TTLL6: variants seen among roughly 807,000 people sequenced by gnomAD.
The protein encoded by TTLL6 is tubulin polyglutamylase TTLL6.
TTLL6 carries 75 observed loss-of-function variants against 96.4 expected under a neutral mutation model. That is an observed-to-expected ratio of 0.78 (90% CI 0.65 to 0.94). TTLL6 has a LOEUF of 0.94. Among genes scored for constraint, TTLL6 ranks in the 40% least tolerant of loss-of-function variants. TTLL6 has a pLI of 0.00. For missense variants in TTLL6, 1,030 were observed against 1,093.0 expected (o/e 0.94, Z 0.81); for synonymous variants, 411 against 419.4 (o/e 0.98, Z 0.24).
intron 13 of TTLL6, among the ~76,000 whole-genome samples, chr17:48,774,100 A>AC (rs1411675911): frequency 1.7e-5 from 2 of 114,382 alleles, no homozygotes; most frequent in South Asian, 2.4e-4. Flanking sequence ...ACAAAACAAA[A>AC]AAAAAAAAAA....
intron 9 of TTLL6, 72 bp downstream of exon 9, chr17:48,791,306 G>A (rs1438797766): frequency 7.4e-7 from 1 of 1,354,182 alleles, no homozygotes; most frequent in East Asian, 2.4e-5. Flanking sequence ...TGAGCCAGGA[G>A]GGCGGAATCC....
chr17:48,777,737 A>G lies in TTLL6; in HGVS notation c.2040+7186T>C, dbSNP rs1435545982. ...CAGAGTGAGACTCCGTCTCAAAAAA[A>G]AAAAAATATACAAAAATACAAAAAT... On this transcript the variant is annotated intron_variant, in intron 13 of 15. Coordinates refer to ENST00000393382, the MANE Select transcript of TTLL6 (RefSeq NM_001130918.3). Among the ~76,000 whole-genome samples, 4 of 150,474 alleles carry G rather than the reference A, an allele frequency of 2.7e-5. No individual in the cohort carries two copies. In the East Asian group the frequency reaches 7.9e-4, roughly 30 times the overall value.
intron 1 of TTLL6, among the ~76,000 whole-genome samples, chr17:48,809,663 C>T (rs368436240): frequency 1.1e-4 from 17 of 151,716 alleles, no homozygotes; most frequent in East Asian, 9.7e-4. Context: ...GTTCAAAACC[C>T]GCCTGGGCAA....
intron 13 of TTLL6, among the ~76,000 whole-genome samples, chr17:48,776,624 A>C (rs2038877093): frequency 6.6e-6 from 1 of 152,252 alleles, no homozygotes; most frequent in Admixed American, 6.5e-5. Context: ...CAAAATGTCT[A>C]CATTGAAAAC....
At chr17:48,797,325 G>A in intron 6 of TTLL6, 121 bp from the exon 7 acceptor site, 1 of 1,064,646 alleles carries the variant, frequency 9.4e-7, no homozygotes, top group Non-Finnish European at 1.3e-6. Flanking sequence ...GTGGAGGGCA[G>A]GCTTGTCCAG....
chr17:48,769,489 C>A (rs562325796), intron 14 of TTLL6, among the ~76,000 whole-genome samples: 1 of 152,308 alleles, frequency 6.6e-6, no homozygotes, highest in Non-Finnish European at 1.5e-5. Flanking sequence ...GAATGAGAAC[C>A]AGGAAGTGGT....
At chr17:48,807,491 G>T (rs1453307257) in intron 1 of TTLL6, among the ~76,000 whole-genome samples, 1 of 152,040 alleles carries the variant, frequency 6.6e-6, no homozygotes, top group Non-Finnish European at 1.5e-5. Flanking sequence ...TTTTCACTGT[G>T]GCAAAGTTTA....
chr17:48,794,227 C>T, intron 8 of TTLL6: 1 of 1,614,124 alleles, frequency 6.2e-7, no homozygotes, highest in Non-Finnish European at 8.5e-7. Context: ...CCCCGAGACA[C>T]CCCTCCATCA....
Position 48,799,589 on chromosome 17 carries a change from A to G in TTLL6, c.768+15T>C, listed in dbSNP as rs2039375095. On this transcript the variant is annotated intron_variant, in intron 6 of 15. Transcript: ENST00000393382. ...TGCTGTGGGTGATAAATAAATAATC[A>G]CAATGAGGAAGTACCTTTGAAATAT... 1 of 1,548,936 alleles carries G rather than the reference A, an allele frequency of 6.5e-7. No homozygotes were observed. The highest frequency in any genetic ancestry group is 2.4e-5 in the East Asian group (1 of 40,862).
At chr17:48,773,578 T>C (rs2038794945) in intron 13 of TTLL6, among the ~76,000 whole-genome samples, 1 of 151,936 alleles carries the variant, frequency 6.6e-6, no homozygotes, top group South Asian at 2.1e-4. Context: ...AAAAATTAGC[T>C]GGGCGTGGTG....
chr17:48,787,988 G>A lies in TTLL6; in HGVS notation c.1412C>T (p.Ala471Val). 2 of 1,613,776 alleles carry A rather than the reference G, an allele frequency of 1.2e-6. No individual in the cohort carries two copies. Among genetic ancestry groups the A allele is most frequent in the Non-Finnish European group, 1.7e-6 (2 of 1,179,886 alleles). Residue 471 changes from alanine (A) to valine (V), a missense_variant, in exon 11 of 16, where the codon GCC (alanine) becomes GTC (valine). By Grantham distance (64) the Ala-to-Val change is moderately conservative. Coordinates refer to ENST00000393382, the MANE Select transcript of TTLL6 (RefSeq NM_001130918.3). ...CCSREMRIEE[A>V]KGFRAVQLKK... ...TAACTGCACGGCCCGGAAACCCTTG[G>A]CTTCCTCAATCCTGTTGGGAAGCAG...
At chr17:48,801,157 A>G (rs2039404852) in intron 5 of TTLL6, 98 bp downstream of exon 5, 10 of 1,104,328 alleles carry the variant, frequency 9.1e-6, no homozygotes, top group Middle Eastern at 2.6e-4. Context: ...ATGGGAGTTC[A>G]TATGGGCAGG....
intron 13 of TTLL6, among the ~76,000 whole-genome samples, chr17:48,777,994 G>T (rs540880011): frequency 9.2e-5 from 14 of 152,030 alleles, no homozygotes; most frequent in African/African-American, 3.4e-4. Context: ...CAACAACCAT[G>T]CTGGGCGCCC....
chr17:48,801,864 G>A (rs1381198716), intron 3 of TTLL6, among the ~76,000 whole-genome samples: 2 of 151,708 alleles, frequency 1.3e-5, no homozygotes, highest in Non-Finnish European at 2.9e-5. Context: ...GGCCAACATG[G>A]CAAAACCCCA....
At chr17:48,779,813 ATATAC>A (rs1445753759) in intron 13 of TTLL6, among the ~76,000 whole-genome samples, 1 of 152,202 alleles carries the variant, frequency 6.6e-6, no homozygotes, top group African/African-American at 2.4e-5. Flanking sequence ...ACAAAAGAAC[ATATAC>A]TATATTATTC....
chr17:48,792,829 C>A (rs912405568), intron 8 of TTLL6, among the ~76,000 whole-genome samples: 1 of 152,156 alleles, frequency 6.6e-6, no homozygotes, highest in African/African-American at 2.4e-5. Flanking sequence ...CAATTTTTTT[C>A]AAGTGGAGAA....
intron 1 of TTLL6, among the ~76,000 whole-genome samples, chr17:48,809,814 C>T (rs1258252194): frequency 6.6e-6 from 1 of 151,992 alleles, no homozygotes. Flanking sequence ...CATGGCTGCA[C>T]CACTGCACTC....
intron 13 of TTLL6, 90 bp downstream of exon 13, chr17:48,784,833 A>T: frequency 8.9e-7 from 1 of 1,124,016 alleles, no homozygotes; most frequent in Non-Finnish European, 1.3e-6. Context: ...TCAGTGGCTT[A>T]CTCAAAGGGT....
intron 13 of TTLL6, among the ~76,000 whole-genome samples, chr17:48,784,250 C>G (rs1235795812): frequency 6.6e-6 from 1 of 152,008 alleles, no homozygotes; most frequent in South Asian, 2.1e-4. Flanking sequence ...ACAAAAAATA[C>G]AAAAATTAGC....
Sources: gnomAD v4.1 joint callset for allele counts (sites outside exome capture counted in the v4.1 genomes callset) on GRCh38, gnomAD v4.1.1 for gene constraint, MANE v1.5 for transcripts, NCBI Gene and HGNC (gene_info 2026-07-23, HGNC 2026-07-21) for gene names.